The following KIF16B variants were observed in gnomAD, a reference collection of about 807,000 sequenced individuals.
The protein encoded by KIF16B is kinesin-like protein KIF16B.
Under a neutral mutation model 156.3 loss-of-function variants are expected in KIF16B, and 98 were observed. That is an observed-to-expected ratio of 0.63 (90% confidence interval 0.53 to 0.74). KIF16B has a LOEUF of 0.74. Ranked by LOEUF, KIF16B falls within the 30% of genes least tolerant of loss-of-function variation. KIF16B has a pLI of 0.00. For missense variants in KIF16B, 1,421 were observed against 1,606.5 expected, an observed-to-expected ratio of 0.88 and a Z score of 1.97; for synonymous variants, 564 against 583.7, an observed-to-expected ratio of 0.97 and a Z score of 0.49.
chr20:16,472,716 C>T (rs1295900889), intron 12 of KIF16B, among the ~76,000 whole-genome samples: 2 of 152,116 alleles, frequency 1.3e-5, no homozygotes, highest in Admixed American at 1.3e-4. Flanking sequence ...GCTCTCACTA[C>T]ACTGTGTTCA....
intron 1 of KIF16B, among the ~76,000 whole-genome samples, chr20:16,561,681 C>T (rs1436882229): frequency 6.6e-6 from 1 of 152,158 alleles, no homozygotes; most frequent in Non-Finnish European, 1.5e-5. Context: ...TCAAGGTCAA[C>T]ATCACCAGTA....
At chr20:16,419,314 A>T (rs1332429089) in intron 15 of KIF16B, among the ~76,000 whole-genome samples, 1 of 152,186 alleles carries the variant, frequency 6.6e-6, no homozygotes, top group Admixed American at 6.5e-5. Flanking sequence ...GTGAAGGAAC[A>T]GACACTGATA....
intron 12 of KIF16B, among the ~76,000 whole-genome samples, chr20:16,467,111 C>T (rs2067513162): frequency 6.6e-6 from 1 of 152,226 alleles, no homozygotes; most frequent in Non-Finnish European, 1.5e-5. Flanking sequence ...GCTTGGATTA[C>T]ATCAGAGCCC....
chr20:16,385,894 T>C (rs139166900), intron 17 of KIF16B, among the ~76,000 whole-genome samples: 168 of 152,332 alleles, frequency 1.1e-3, no homozygotes, highest in Middle Eastern at 0.01. Context: ...GAAATGGCAA[T>C]GTTACTAGTA....
At chr20:16,482,424 G>T (rs1352354913) in intron 12 of KIF16B, among the ~76,000 whole-genome samples, 7 of 152,016 alleles carry the variant, frequency 4.6e-5, no homozygotes, top group Non-Finnish European at 8.8e-5. Flanking sequence ...GGTAGGCTGG[G>T]ATGGAAAACA....
intron 22 of KIF16B, among the ~76,000 whole-genome samples, chr20:16,363,410 C>G (rs1386408718): frequency 1.3e-5 from 2 of 152,192 alleles, no homozygotes; most frequent in Non-Finnish European, 2.9e-5. Context: ...AGAAGTCCTA[C>G]AAGTTTTATC....
In KIF16B at chr20:16,429,999, A is replaced by G; in HGVS notation, c.1303-17T>C. On this transcript the variant is annotated splice_polypyrimidine_tract_variant and intron_variant, in intron 12 of 25. Coordinates refer to ENST00000354981, the MANE Select transcript of KIF16B (RefSeq NM_024704.5). The stretch of plus-strand genomic sequence containing the variant: ...AGTTTGTTCCTGAAATTAAGAGGAA[A>G]AGAAAAAGAAAAGGTTACTTTGGGA... The G allele has an allele frequency of 6.3e-7, 1 of 1,592,526 alleles. No homozygotes were observed. The highest frequency in any genetic ancestry group is 8.5e-7 in the Non-Finnish European group (1 of 1,173,586).
chr20:16,496,100 T>G (rs932979214), intron 11 of KIF16B, among the ~76,000 whole-genome samples: 1 of 152,214 alleles, frequency 6.6e-6, no homozygotes, highest in African/African-American at 2.4e-5. Flanking sequence ...AGACTCCTGA[T>G]AGCAACAAAA....
chr20:16,343,295 AT>A, intron 23 of KIF16B, among the ~76,000 whole-genome samples: 1 of 152,186 alleles, frequency 6.6e-6, no homozygotes, highest in Non-Finnish European at 1.5e-5. Context: ...CTTCCCACAA[AT>A]TTATGTTATA....
intron 12 of KIF16B, among the ~76,000 whole-genome samples, chr20:16,432,170 G>A (rs903501470): frequency 7.9e-5 from 12 of 152,020 alleles, no homozygotes; most frequent in Admixed American, 6.6e-5. Flanking sequence ...AAGCTTCTGG[G>A]GAAGTCTGAA....
chr20:16,410,261 G>A (rs2065917039), intron 15 of KIF16B, among the ~76,000 whole-genome samples: 1 of 143,018 alleles, frequency 7.0e-6, no homozygotes, highest in Non-Finnish European at 1.5e-5. Context: ...ATATGTCGGT[G>A]TACATATATA....
At position 16,286,913 on chromosome 20, in the gene KIF16B, G is replaced by T. The variant is rs539288717; in HGVS notation, c.3796-13502C>A. Among the ~76,000 whole-genome samples, 219 of 152,316 alleles carry T rather than the reference G, an allele frequency of 1.4e-3. 1 individual carries two copies. Among genetic ancestry groups the T allele is most frequent in the African/African-American group, 5.0e-3 (209 of 41,582 alleles). On this transcript the variant is annotated intron_variant, in intron 25 of 25. Coordinates refer to ENST00000354981, the MANE Select transcript of KIF16B (RefSeq NM_024704.5). ...AGAATGCACTGGCACTAATGCCATG[G>T]GTGACTTGAGAGCCCCAGCTGAGCC...
At chr20:16,308,533 T>A (rs1039463910) in intron 25 of KIF16B, among the ~76,000 whole-genome samples, 2 of 152,254 alleles carry the variant, frequency 1.3e-5, no homozygotes, top group Non-Finnish European at 2.9e-5. Context: ...CAACTGAGTA[T>A]GAACTGTGGC....
intron 25 of KIF16B, among the ~76,000 whole-genome samples, chr20:16,301,620 T>G (rs925430342): frequency 2.6e-5 from 4 of 152,118 alleles, no homozygotes; most frequent in African/African-American, 9.7e-5. Flanking sequence ...CTTCTGTATA[T>G]CTTCTTTGGT....
intron 3 of KIF16B, among the ~76,000 whole-genome samples, chr20:16,522,527 T>A (rs933771681): frequency 2.0e-5 from 3 of 152,190 alleles, no homozygotes; most frequent in Non-Finnish European, 2.9e-5. Context: ...AAGCAAGTTC[T>A]CAGAGACCTA....
At chr20:16,472,553 TAAAAAAAAAAAAAA>T (rs11318601) in intron 12 of KIF16B, among the ~76,000 whole-genome samples, 1 of 113,562 alleles carries the variant, frequency 8.8e-6, no homozygotes, top group African/African-American at 3.4e-5. Context: ...CATCTGAAAT[TAAAAAAAAAAAAAA>T]AAAAAAAAAG....
chr20:16,422,806 A>G (rs1206587108), intron 15 of KIF16B, among the ~76,000 whole-genome samples: 1 of 152,148 alleles, frequency 6.6e-6, no homozygotes, highest in Non-Finnish European at 1.5e-5. Context: ...ATGGAAACAT[A>G]TTTTTCCAAA....
At chr20:16,457,220 GAAC>G (rs575093774) in intron 12 of KIF16B, among the ~76,000 whole-genome samples, 5 of 151,566 alleles carry the variant, frequency 3.3e-5, no homozygotes, top group South Asian at 2.1e-4. Flanking sequence ...TTTTTTTTAA[GAAC>G]AACAACAACA....
At chr20:16,555,050 G>C (rs2147318710) in intron 1 of KIF16B, among the ~76,000 whole-genome samples, 1 of 152,368 alleles carries the variant, frequency 6.6e-6, no homozygotes, top group African/African-American at 2.4e-5. Context: ...AGGCTGAGTG[G>C]ACAGAATGAG....
Sources: gnomAD v4.1 joint callset for allele counts (sites outside exome capture counted in the v4.1 genomes callset) on GRCh38, gnomAD v4.1.1 for gene constraint, MANE v1.5 for transcripts, NCBI Gene and HGNC (gene_info 2026-07-23, HGNC 2026-07-21) for gene names.